CD86: variants seen among roughly 807,000 people sequenced by gnomAD.
CD86 encodes the protein CD86 molecule.
In CD86, 11 loss-of-function variants were observed where a neutral mutation model predicts 32.1. The ratio of observed to expected loss-of-function variants is 0.34; its 90% confidence interval spans 0.22 to 0.57. The LOEUF (loss-of-function observed/expected upper bound fraction) is 0.57, where lower values mean the gene tolerates loss of function less well. CD86 is among the 20% of genes least tolerant of loss of function. The probability of loss-of-function intolerance (pLI) is 0.86; values close to 1 mark genes in which losing one functional copy is unlikely to be tolerated. For synonymous variants in CD86, 137 were observed against 135.3 expected, an observed-to-expected ratio of 1.01 and a Z score of -0.09; for missense variants, 359 against 398.4, an observed-to-expected ratio of 0.90 and a Z score of 0.84.
intron 4 of CD86, among the ~76,000 whole-genome samples, chr3:122,108,064 C>T (rs765425559): frequency 5.3e-5 from 8 of 152,248 alleles, no homozygotes; most frequent in African/African-American, 1.7e-4. Context: ...CCCTCTGTTA[C>T]GGCTCCCATA....
intron 2 of CD86, among the ~76,000 whole-genome samples, chr3:122,099,471 A>AG (rs1200815253): frequency 6.6e-6 from 1 of 152,256 alleles, no homozygotes; most frequent in Admixed American, 6.5e-5. Flanking sequence ...CCAGGTGAAT[A>AG]GCCTGGAGGC....
chr3:122,069,957 T>A (rs2072466872), intron 1 of CD86, among the ~76,000 whole-genome samples: 1 of 152,228 alleles, frequency 6.6e-6, no homozygotes, highest in Admixed American at 6.5e-5. Flanking sequence ...TACTTATCCC[T>A]AGTACAATGG....
chr3:122,103,221 C>G (rs574593824), intron 2 of CD86, among the ~76,000 whole-genome samples: 1 of 151,972 alleles, frequency 6.6e-6, no homozygotes, highest in South Asian at 2.1e-4. Flanking sequence ...AACCACAGTA[C>G]TAGAAAGACC....
At chr3:122,086,525 T>C (rs372040700) in intron 1 of CD86, 6 of 453,222 alleles carry the variant, frequency 1.3e-5, no homozygotes, top group African/African-American at 7.9e-5. Context: ...GTAGTCATAT[T>C]TCCCCAGAGC....
chr3:122,090,173 T>C (rs1208526642), intron 1 of CD86, among the ~76,000 whole-genome samples: 3 of 152,074 alleles, frequency 2.0e-5, no homozygotes, highest in African/African-American at 7.2e-5. Flanking sequence ...TTTAGTACCA[T>C]GATCTATTCA....
intron 1 of CD86, among the ~76,000 whole-genome samples, chr3:122,086,929 A>C (rs1313585527): frequency 6.6e-6 from 1 of 151,928 alleles, no homozygotes; most frequent in East Asian, 1.9e-4. Context: ...GTGTGAAAGA[A>C]ACACAGGCTG....
At chr3:122,072,678 G>A (rs1482225206) in intron 1 of CD86, among the ~76,000 whole-genome samples, 3 of 152,080 alleles carry the variant, frequency 2.0e-5, no homozygotes, top group Non-Finnish European at 4.4e-5. Flanking sequence ...CATTTTGTAG[G>A]TTGCCTGTTC....
rs2073044191 is a variant in CD86, at chr3:122,103,590, A to G, written c.143A>G (p.Gln48Arg). Reference protein sequence around the residue: ...LPCQFANSQNQSLSELVVFWQ... With the variant: ...LPCQFANSQNRSLSELVVFWQ... ...TGCCAATTTGCAAACTCTCAAAACC[A>G]AAGCCTGAGTGAGCTAGTAGTATTT... is the stretch of plus-strand genomic sequence containing the variant. The change falls in exon 3 of 7, where the codon CAA (glutamine) becomes CGA (arginine). Residue 48 changes from glutamine (Q) to arginine (R), a missense_variant. Physicochemically the swap from Gln to Arg is conservative, Grantham distance 43. Transcript: ENST00000330540. The G allele has an allele frequency of 6.2e-7, 1 of 1,613,992 alleles. No individual in the cohort carries two copies. The highest frequency in any genetic ancestry group is 8.5e-7 in the Non-Finnish European group (1 of 1,179,888).
intron 2 of CD86, among the ~76,000 whole-genome samples, chr3:122,101,074 T>C (rs1208417203): frequency 6.6e-6 from 1 of 152,130 alleles, no homozygotes; most frequent in Non-Finnish European, 1.5e-5. Flanking sequence ...CAAAATACTT[T>C]CAGTTCCACT....
chr3:122,055,476 C>T lies in CD86; in HGVS notation c.-14C>T, dbSNP rs975044185. 7 of 1,613,594 alleles carry T rather than the reference C, an allele frequency of 4.3e-6. No homozygotes were observed. The highest frequency in any genetic ancestry group is 3.4e-6 in the Non-Finnish European group (4 of 1,179,594). On this transcript the variant is annotated 5_prime_UTR_variant, in exon 1 of 7. Transcript: ENST00000330540. ...GTCATTTCCAGATATTAGGTCACAG[C>T]AGAAGCAGCCAAAATGGATCCCCAG...
At chr3:122,096,819 A>C (rs2072915488) in intron 2 of CD86, among the ~76,000 whole-genome samples, 1 of 152,234 alleles carries the variant, frequency 6.6e-6, no homozygotes, top group African/African-American at 2.4e-5. Flanking sequence ...TCACAGCTAC[A>C]TGGCATTACT....
intron 5 of CD86, among the ~76,000 whole-genome samples, chr3:122,117,536 C>T (rs1216459731): frequency 2.0e-5 from 3 of 152,192 alleles, no homozygotes; most frequent in Non-Finnish European, 4.4e-5. Context: ...GTAGCAAGTC[C>T]CTATCAATAG....
intron 2 of CD86, among the ~76,000 whole-genome samples, chr3:122,094,386 G>GT (rs1346222234): frequency 1.3e-5 from 2 of 152,152 alleles, no homozygotes; most frequent in Non-Finnish European, 2.9e-5. Context: ...AATGGTAACC[G>GT]TTTAAGTTTT....
In CD86 at chr3:122,106,316, A is replaced by G. The variant is rs1465072473; in HGVS notation, c.519A>G (p.Leu173=). ...AACCTAAGAAGATGAGTGTTTTGCT[A>G]AGAACCAAGAATTCAACTATCGAGT... is the stretch of plus-strand genomic sequence containing the variant. The part of the protein sequence containing the change: ...YPEPKKMSVL[L]RTKNSTIEYD... The change falls in exon 4 of 7, where the codon CTA becomes CTG. Residue 173 remains leucine, a synonymous_variant. Coordinates refer to ENST00000330540, the MANE Select transcript of CD86 (RefSeq NM_175862.5). 1 of 1,614,136 alleles carries G rather than the reference A, an allele frequency of 6.2e-7. No homozygotes were observed. The highest frequency in any genetic ancestry group is 8.5e-7 in the Non-Finnish European group (1 of 1,179,960).
chr3:122,086,830 C>G (rs1271101054), intron 1 of CD86, among the ~76,000 whole-genome samples: 1 of 152,224 alleles, frequency 6.6e-6, no homozygotes, highest in Non-Finnish European at 1.5e-5. Context: ...TCCCGTCTGT[C>G]TCAGAGGCTA....
chr3:122,086,824 G>A (rs764888998), intron 1 of CD86, among the ~76,000 whole-genome samples: 8 of 152,140 alleles, frequency 5.3e-5, no homozygotes, highest in East Asian at 1.9e-4. Context: ...TGCTGCTCCC[G>A]TCTGTCTCAG....
intron 1 of CD86, among the ~76,000 whole-genome samples, chr3:122,065,387 C>G (rs1183654934): frequency 6.6e-6 from 1 of 152,126 alleles, no homozygotes. Flanking sequence ...AGAGAGTCAT[C>G]AAAACAACAA....
intron 4 of CD86, among the ~76,000 whole-genome samples, chr3:122,108,649 C>T (rs916115475): frequency 4.6e-5 from 7 of 152,098 alleles, no homozygotes; most frequent in South Asian, 2.1e-4. Flanking sequence ...TTCCTGAAGG[C>T]GTGAAGGTTC....
chr3:122,091,536 T>G, intron 1 of CD86, 65 bp from the exon 2 acceptor site: 2 of 1,292,042 alleles, frequency 1.5e-6, no homozygotes, highest in Non-Finnish European at 2.3e-6. Context: ...GGTCATGTTT[T>G]GGTGAACATC....
Sources: allele counts gnomAD v4.1 joint callset (sites outside exome capture counted in the v4.1 genomes callset), GRCh38; gene constraint gnomAD v4.1.1; transcripts MANE v1.5; gene names NCBI Gene and HGNC (gene_info 2026-07-23, HGNC 2026-07-21).